The following NBPF3 variants were observed in gnomAD, a reference collection of about 807,000 sequenced individuals.
NBPF3 encodes the protein NBPF family member NBPF3.
A neutral mutation model predicts 78.1 loss-of-function variants in NBPF3; 57 were observed. The ratio of observed to expected loss-of-function variants is 0.73; its 90% confidence interval spans 0.59 to 0.91. NBPF3 has a LOEUF of 0.91. Among genes scored for constraint, NBPF3 ranks in the 40% least tolerant of loss-of-function variants. The probability of loss-of-function intolerance (pLI) is 0.00; values close to 1 mark genes in which losing one functional copy is unlikely to be tolerated. For synonymous variants in NBPF3, 182 were observed against 271.7 expected, an observed-to-expected ratio of 0.67 and a Z score of 3.25; for missense variants, 510 against 715.3, an observed-to-expected ratio of 0.71 and a Z score of 3.27.
chr1:21,456,105 G>C (rs187452595), intron 2 of NBPF3, among the ~76,000 whole-genome samples: 1 of 152,166 alleles, frequency 6.6e-6, no homozygotes, highest in Non-Finnish European at 1.5e-5. Context: ...CCAAATTAGA[G>C]GGTCTTGGGA....
chr1:21,451,855 G>C, intron 2 of NBPF3: 1 of 763,594 alleles, frequency 1.3e-6, no homozygotes, highest in Non-Finnish European at 1.6e-6. Context: ...GGAATCCAGT[G>C]TTAATGCCAT....
chr1:21,459,710 G>A lies in NBPF3; in HGVS notation c.134-8978G>A, dbSNP rs1384737342. On this transcript the variant is annotated intron_variant, in intron 2 of 14. Transcript: ENST00000318249. ...GGGAGGCCATTTCATAACATTTCTT[G>A]TTGATGAAACTGCCATGGACAGCTT... 4 of 376,616 alleles carry A rather than the reference G, an allele frequency of 1.1e-5. No individual in the cohort carries two copies. In the East Asian group the frequency reaches 2.6e-4, roughly 25 times the overall value. 23.3% of individuals were successfully genotyped at this position (376,616 alleles called of 1,614,324 possible). A position where few individuals can be genotyped will look rare whatever the true frequency, so the allele number is the denominator to read the frequency against.
chr1:21,466,086 G>A, intron 2 of NBPF3: 3 of 985,550 alleles, frequency 3.0e-6, no homozygotes, highest in Non-Finnish European at 3.6e-6. Flanking sequence ...GCCCTTTTCA[G>A]GGAGCCTTGG....
intron 11 of NBPF3, 88 bp downstream of exon 11, chr1:21,480,311 C>G: frequency 1.5e-6 from 1 of 675,484 alleles, no homozygotes; most frequent in African/African-American, 1.7e-5. Context: ...CTTATTGACC[C>G]GAGAGATGTC....
At chr1:21,479,442 C>T in intron 10 of NBPF3, 42 bp downstream of exon 10, 1 of 1,548,100 alleles carries the variant, frequency 6.5e-7, no homozygotes, top group Non-Finnish European at 8.9e-7. Flanking sequence ...GATGTTGACA[C>T]CTGGAGATGC....
At chr1:21,473,660 A>G in intron 7 of NBPF3, 75 bp downstream of exon 7, 1 of 1,263,322 alleles carries the variant, frequency 7.9e-7, no homozygotes, top group Non-Finnish European at 1.1e-6. Context: ...GGCTCTATAC[A>G]CACAGATTGG....
intron 1 of NBPF3, among the ~76,000 whole-genome samples, chr1:21,443,164 A>C (rs1640760157): frequency 6.6e-6 from 1 of 152,252 alleles, no homozygotes; most frequent in Admixed American, 6.5e-5. Context: ...TCTCTACAAA[A>C]GATAAAAATA....
At chr1:21,448,778 G>T (rs572219512) in intron 2 of NBPF3, among the ~76,000 whole-genome samples, 1 of 152,232 alleles carries the variant, frequency 6.6e-6, no homozygotes, top group South Asian at 2.1e-4. Context: ...TTCCCTGTGA[G>T]CTCTGACTCC....
chr1:21,436,853 G>C, upstream of NBPF3: 1 of 803,488 alleles, frequency 1.2e-6, no homozygotes, highest in Non-Finnish European at 1.7e-6. This position sits in a 1 kb window ranked among gnomAD's most constrained non-coding sequence, Gnocchi z 4.3. Context: ...AGAGGCCCGG[G>C]GGGAGGGGCT....
chr1:21,449,867 G>C (rs1485034005), intron 2 of NBPF3: 1 of 663,548 alleles, frequency 1.5e-6, no homozygotes, highest in East Asian at 1.4e-4. Flanking sequence ...AGGTGGCAAG[G>C]GCTCTGAAAC....
chr1:21,446,563 T>G (rs188440154), intron 2 of NBPF3: 6 of 98,148 alleles, frequency 6.1e-5, no homozygotes, highest in Non-Finnish European at 1.2e-4. Context: ...TCCCTCCCTT[T>G]CTTCCTCCTT....
intron 2 of NBPF3, among the ~76,000 whole-genome samples, chr1:21,454,607 C>T (rs1289530332): frequency 1.3e-5 from 2 of 152,052 alleles, no homozygotes; most frequent in South Asian, 2.1e-4. Context: ...CTGAATTGAA[C>T]GTAGTACCAA....
At chr1:21,464,435 G>A (rs1642137082) in intron 2 of NBPF3, among the ~76,000 whole-genome samples, 2 of 151,970 alleles carry the variant, frequency 1.3e-5, no homozygotes, top group African/African-American at 4.8e-5. Context: ...TAGATTAGTG[G>A]TTGTCAGAGA....
chr1:21,477,171 A>G (rs7527656), intron 8 of NBPF3, among the ~76,000 whole-genome samples: 101,827 of 151,966 alleles, frequency 0.67, 35,323 homozygotes, highest in South Asian at 0.87. Context: ...CTAGTTAGCC[A>G]TTCGTCCAAT....
At chr1:21,461,669 G>C (rs1159348794) in intron 2 of NBPF3, among the ~76,000 whole-genome samples, 3 of 152,046 alleles carry the variant, frequency 2.0e-5, no homozygotes, top group African/African-American at 7.2e-5. Context: ...TACCATGTTG[G>C]CCAGGCTGGT....
chr1:21,439,609 G>T (rs374974788), upstream of NBPF3, among the ~76,000 whole-genome samples: 1 of 152,182 alleles, frequency 6.6e-6, no homozygotes, highest in African/African-American at 2.4e-5. Context: ...GAATGGAAAA[G>T]ATGCCTATTT....
At chr1:21,436,810 G>A, upstream of NBPF3, 1 of 1,099,234 alleles carries the variant, frequency 9.1e-7, no homozygotes, top group Non-Finnish European at 1.2e-6. The surrounding 1 kb of genome is among the most constrained non-coding windows in gnomAD (Gnocchi z 4.3). Flanking sequence ...GCAGGTCCAG[G>A]TAGGAAGGGG....
chr1:21,464,956 A>G (rs1213534485), intron 2 of NBPF3, among the ~76,000 whole-genome samples: 3 of 149,908 alleles, frequency 2.0e-5, no homozygotes, highest in Non-Finnish European at 3.0e-5. Flanking sequence ...GCCGTGATCT[A>G]TAATCACCAG....
intron 11 of NBPF3, among the ~76,000 whole-genome samples, 156 bp from the exon 12 acceptor site, chr1:21,480,774 A>G (rs1643174824): frequency 6.6e-6 from 1 of 150,602 alleles, no homozygotes; most frequent in Non-Finnish European, 1.5e-5. Context: ...AATCTCTATC[A>G]TGACCAGCTT....
Sources: gnomAD v4.1 joint callset for allele counts (sites outside exome capture counted in the v4.1 genomes callset) on GRCh38, gnomAD v4.1.1 for gene constraint, Gnocchi (gnomAD v3.1) non-coding constraint, MANE v1.5 for transcripts, NCBI Gene and HGNC (gene_info 2026-07-23, HGNC 2026-07-21) for gene names.